Variants in SLC38A8 observed in about 807,000 individuals in gnomAD.
The protein encoded by SLC38A8 is solute carrier family 38 member 8.
Under a neutral mutation model 46.0 loss-of-function variants are expected in SLC38A8, and 65 were observed. That is an observed-to-expected ratio of 1.41 (90% CI 1.16 to 1.74). The LOEUF is 1.74. Ranked by LOEUF, SLC38A8 falls within the 40% of genes most tolerant of loss-of-function variation. SLC38A8 has a pLI of 0.00. For missense variants in SLC38A8, 998 were observed against 567.9 expected, an observed-to-expected ratio of 1.76 and a Z score of -7.70; for synonymous variants, 447 against 243.7, an observed-to-expected ratio of 1.83 and a Z score of -7.77.
chr16:84,041,857 A>T lies in SLC38A8; in HGVS notation c.189+112T>A. 3.2e-6 allele frequency: 3 copies of T among 947,294 alleles called. No homozygotes were observed. The South Asian group carries it at 5.2e-5, about 16-fold the overall frequency. 58.7% of individuals were successfully genotyped at this position (947,294 alleles called of 1,614,324 possible). A position where few individuals can be genotyped will look rare whatever the true frequency, so the allele number is the denominator to read the frequency against. ...GAGCGGGATAGAAAATAAAACCCCG[A>T]AGCTATAGCTTACAGGACACGCAAC... is the stretch of plus-strand genomic sequence containing the variant. On this transcript the variant is annotated intron_variant, in intron 2 of 10. Transcript: ENST00000299709.
chr16:84,012,447 T>C (rs2084965658), intron 10 of SLC38A8, among the ~76,000 whole-genome samples: 1 of 152,216 alleles, frequency 6.6e-6, no homozygotes, highest in South Asian at 2.1e-4. Flanking sequence ...TGGGTTAGCA[T>C]GGGGCCTGGG....
At chr16:84,039,184 G>A (rs774178522) in intron 2 of SLC38A8, among the ~76,000 whole-genome samples, 43 of 152,144 alleles carry the variant, frequency 2.8e-4, no homozygotes, top group Non-Finnish European at 5.3e-4. Flanking sequence ...TGGAGGGAGC[G>A]AAGCCCTGCT....
upstream of SLC38A8, among the ~76,000 whole-genome samples, chr16:84,043,046 C>T (rs1039547198): frequency 6.6e-6 from 1 of 152,154 alleles, no homozygotes; most frequent in African/African-American, 2.4e-5. Flanking sequence ...TGCCCTGAGC[C>T]CAGCCTCCTC....
chr16:84,013,802 T>A (rs2084988250), intron 9 of SLC38A8, among the ~76,000 whole-genome samples: 1 of 150,896 alleles, frequency 6.6e-6, no homozygotes, highest in African/African-American at 2.4e-5. Context: ...TCCCAAAGGA[T>A]CCTCTCTCAA....
At chr16:84,036,938 C>A in intron 2 of SLC38A8, 38 bp from the exon 3 acceptor site, 1 of 1,550,442 alleles carries the variant, frequency 6.4e-7, no homozygotes, top group South Asian at 1.2e-5. Flanking sequence ...TGGGGTGTGC[C>A]CACAGCCCAC....
chr16:84,023,653 G>A (rs967322123), intron 6 of SLC38A8, among the ~76,000 whole-genome samples: 1 of 152,192 alleles, frequency 6.6e-6, no homozygotes, highest in Non-Finnish European at 1.5e-5. Flanking sequence ...CAGCACTTTG[G>A]GAGGCCGAAG....
chr16:84,013,848 G>A (rs1270212422), intron 9 of SLC38A8, among the ~76,000 whole-genome samples: 3 of 151,994 alleles, frequency 2.0e-5, no homozygotes, highest in African/African-American at 7.3e-5. Context: ...CCCACCACAG[G>A]AAATAGCCAG....
chr16:84,012,105 T>C (rs1016424519), intron 10 of SLC38A8, among the ~76,000 whole-genome samples: 1 of 152,186 alleles, frequency 6.6e-6, no homozygotes. Flanking sequence ...TCTGTTGCTT[T>C]AAGCCTCCCC....
At chr16:84,014,094 G>A (rs779917829) in intron 9 of SLC38A8, among the ~76,000 whole-genome samples, 49 of 151,922 alleles carry the variant, frequency 3.2e-4, no homozygotes, top group Non-Finnish European at 5.9e-4. Context: ...TGAGGGAGGA[G>A]ATGCATGGCC....
chr16:84,039,607 G>A (rs951679423), intron 2 of SLC38A8, among the ~76,000 whole-genome samples: 5 of 152,132 alleles, frequency 3.3e-5, no homozygotes, highest in African/African-American at 4.8e-5. Flanking sequence ...CTAGCAGGGT[G>A]TGGCAGCACA....
intron 10 of SLC38A8, 26 bp from the exon 11 acceptor site, chr16:84,009,903 G>C (rs1176195508): frequency 3.7e-6 from 6 of 1,603,046 alleles, no homozygotes; most frequent in East Asian, 2.2e-5. Context: ...ACCCATGTCA[G>C]AGCTTTTCTG....
At chr16:84,022,733 T>G in intron 7 of SLC38A8, 42 bp downstream of exon 7, 1 of 1,512,362 alleles carries the variant, frequency 6.6e-7, no homozygotes, top group Non-Finnish European at 9.2e-7. Context: ...GTTTCTACTG[T>G]CACTCCCCAC....
At chr16:84,024,206 G>A (rs565117616) in intron 6 of SLC38A8, among the ~76,000 whole-genome samples, 1 of 152,202 alleles carries the variant, frequency 6.6e-6, no homozygotes, top group Non-Finnish European at 1.5e-5. Flanking sequence ...GTGCTAGAAG[G>A]CAGGATGGTG....
chr16:84,014,443 C>G (rs962807607), intron 9 of SLC38A8, among the ~76,000 whole-genome samples: 3 of 152,096 alleles, frequency 2.0e-5, no homozygotes, highest in African/African-American at 7.2e-5. Context: ...CCCCTCACCT[C>G]TGAAAGCCCT....
In SLC38A8 at chr16:84,031,860, G is replaced by C. The variant is rs945611062; in HGVS notation, c.632+7C>G. ...GAGGCTGCCGGAAGCTGTTCCCTCA[G>C]ACTTACCTCAGTGAAGGATGGGACT... On this transcript the variant is annotated splice_region_variant and intron_variant, in intron 5 of 10. Transcript: ENST00000299709. 4 of 1,613,440 alleles carry C rather than the reference G, an allele frequency of 2.5e-6. No individual in the cohort carries two copies. The highest frequency in any genetic ancestry group is 3.4e-6 in the Non-Finnish European group (4 of 1,179,576).
At chr16:84,043,012 G>C (rs1325374332), upstream of SLC38A8, among the ~76,000 whole-genome samples, 2 of 152,158 alleles carry the variant, frequency 1.3e-5, no homozygotes, top group Non-Finnish European at 2.9e-5. Flanking sequence ...AAGGTCCCCA[G>C]CCCAACGGAG....
At chr16:84,015,540 G>A (rs1400721969) in intron 9 of SLC38A8, among the ~76,000 whole-genome samples, 1 of 149,750 alleles carries the variant, frequency 6.7e-6, no homozygotes, top group African/African-American at 2.5e-5. Flanking sequence ...CTGTATGATT[G>A]ACCCTCAGCC....
intron 3 of SLC38A8, among the ~76,000 whole-genome samples, chr16:84,034,199 C>T (rs9923126): frequency 0.62 from 93,988 of 152,114 alleles, 29,575 homozygotes; most frequent in East Asian, 0.85. Context: ...AGCTGGGGGA[C>T]CCCAGAGACT....
intron 6 of SLC38A8, among the ~76,000 whole-genome samples, chr16:84,023,242 C>G (rs2085116660): frequency 6.6e-6 from 1 of 152,000 alleles, no homozygotes; most frequent in Non-Finnish European, 1.5e-5. Flanking sequence ...AAAAAAAGTT[C>G]AAATGTTCAA....
Sources: gnomAD v4.1 joint callset for allele counts (sites outside exome capture counted in the v4.1 genomes callset) on GRCh38, gnomAD v4.1.1 for gene constraint, MANE v1.5 for transcripts, NCBI Gene and HGNC (gene_info 2026-07-23, HGNC 2026-07-21) for gene names.